The following USB1 variants were observed in gnomAD, a reference collection of about 807,000 sequenced individuals.
USB1 encodes the protein U6 snRNA phosphodiesterase 1.
In USB1, 21 loss-of-function variants were observed where a neutral mutation model predicts 29.9. That is an observed-to-expected ratio of 0.70 (90% CI 0.50 to 1.01). The LOEUF is 1.01. Ranked by LOEUF, USB1 falls within the 50% of genes least tolerant of loss-of-function variation. The pLI, the probability that USB1 is intolerant of heterozygous loss-of-function variation, is 0.00. For missense variants in USB1, 330 were observed against 347.1 expected (o/e 0.95, Z 0.39); for synonymous variants, 143 against 134.9 (o/e 1.06, Z -0.42).
Position 58,010,027 on chromosome 16 carries a change from A to G in USB1, c.364A>G (p.Ser122Gly). The change falls in exon 3 of 7, where the codon AGC becomes GGC. Residue 122 changes from serine (S) to glycine (G), a missense_variant. Ser to Gly is a moderately conservative substitution (Grantham distance 56). Coordinates refer to ENST00000219281, the MANE Select transcript of USB1 (RefSeq NM_024598.4). Reference sequence around the variant, plus strand: ...GGTAAGGATGAAGGTGTTCCACCTCAGCCTGTCCCAGAGTGTGGTTCTGCG... The same window carrying G: ...GGTAAGGATGAAGGTGTTCCACCTCGGCCTGTCCCAGAGTGTGGTTCTGCG... The part of the protein sequence containing the change: ...RLVRMKVFHL[S>G]LSQSVVLRHH... 1 of 1,614,096 alleles carries G rather than the reference A, an allele frequency of 6.2e-7. No individual in the cohort carries two copies. The highest frequency in any genetic ancestry group is 8.5e-7 in the Non-Finnish European group (1 of 1,180,028).
intron 1 of USB1, among the ~76,000 whole-genome samples, chr16:58,002,246 A>C (rs1963234108): frequency 6.6e-6 from 1 of 152,152 alleles, no homozygotes; most frequent in South Asian, 2.1e-4. Flanking sequence ...CCCCTGAACC[A>C]CATTGTTGCA....
intron 2 of USB1, among the ~76,000 whole-genome samples, chr16:58,005,753 CACTT>C (rs746607226): frequency 6.6e-6 from 1 of 152,178 alleles, no homozygotes; most frequent in African/African-American, 2.4e-5. Flanking sequence ...AACATCTCTC[CACTT>C]ACTTAGTTCT....
intron 2 of USB1, among the ~76,000 whole-genome samples, chr16:58,004,266 G>C (rs548201858): frequency 6.6e-6 from 1 of 152,134 alleles, no homozygotes; most frequent in East Asian, 1.9e-4. Flanking sequence ...GTATTGATGT[G>C]GGTCTATTTC....
chr16:58,011,961 T>C, intron 3 of USB1: 2 of 1,068,758 alleles, frequency 1.9e-6, no homozygotes, highest in South Asian at 8.0e-5. Flanking sequence ...ACCCGGCTGA[T>C]GGTTTTCTGA....
chr16:58,006,352 CAAAAAAAAAA>C (rs35405403), intron 2 of USB1, among the ~76,000 whole-genome samples: 1 of 94,930 alleles, frequency 1.1e-5, no homozygotes, highest in African/African-American at 4.2e-5. Flanking sequence ...AACCTCGTTT[CAAAAAAAAAA>C]AAAAACAAAA....
chr16:58,011,423 A>C, intron 3 of USB1: 1 of 1,111,124 alleles, frequency 9.0e-7, no homozygotes, highest in Non-Finnish European at 1.1e-6. Flanking sequence ...AGATTATTTC[A>C]TAACTCTTTT....
chr16:58,003,782 G>A (rs971277485), intron 2 of USB1, among the ~76,000 whole-genome samples: 1 of 152,058 alleles, frequency 6.6e-6, no homozygotes, highest in African/African-American at 2.4e-5. Flanking sequence ...ATATTATGAT[G>A]TGGGTCTAAT....
Position 58,001,455 on chromosome 16 carries a change from C to G in USB1, c.-29C>G, listed in dbSNP as rs747515828. The G allele has an allele frequency of 1.9e-6, 3 of 1,578,128 alleles. No homozygotes were observed. ...GGTGCCGGTTGAGGTTGCTGGTGGA[C>G]CTGCTCTGGTGGTCTTGGATGAGGC... On this transcript the variant is annotated 5_prime_UTR_variant, in exon 1 of 7. Coordinates refer to ENST00000219281, the MANE Select transcript of USB1 (RefSeq NM_024598.4).
In USB1 at chr16:58,001,554, C is replaced by T. The variant is rs1597040873; in HGVS notation, c.71C>T (p.Thr24Ile). 1.9e-6 allele frequency: 3 copies of T among 1,609,340 alleles called. No homozygotes were observed. Among genetic ancestry groups the T allele is most frequent in the Non-Finnish European group, 2.5e-6 (3 of 1,178,370 alleles). The change falls in exon 1 of 7, where the codon ACC (threonine) becomes ATC (isoleucine). Residue 24 changes from threonine (T) to isoleucine (I), a missense_variant. Physicochemically the swap from Thr to Ile is moderately conservative, Grantham distance 89. Coordinates refer to ENST00000219281, the MANE Select transcript of USB1 (RefSeq NM_024598.4). ...GATGAGTCCGAGGACGGGATGCGGACCAGGCCGGGGGATGGGAGCCACCGT... is the reference window on the plus strand; with the variant it reads ...GATGAGTCCGAGGACGGGATGCGGATCAGGCCGGGGGATGGGAGCCACCGT... ...SEDESEDGMR[T>I]RPGDGSHRRG...
chr16:58,012,331 C>A, intron 3 of USB1: 1 of 1,534,988 alleles, frequency 6.5e-7, no homozygotes, highest in Non-Finnish European at 8.7e-7. Context: ...GTGCCAGAAG[C>A]CCATGCCAGA....
In USB1 at chr16:58,010,110, C is replaced by T. The variant is rs776322680; in HGVS notation, c.447C>T (p.His149=). 1.2e-6 allele frequency: 2 copies of T among 1,613,926 alleles called. No individual in the cohort carries two copies. The highest frequency in any genetic ancestry group is 1.7e-6 in the Non-Finnish European group (2 of 1,179,966). The change falls in exon 3 of 7, where the codon CAC becomes CAT. Residue 149 remains histidine, a splice_region_variant and synonymous_variant. Coordinates refer to ENST00000219281, the MANE Select transcript of USB1 (RefSeq NM_024598.4). Reference sequence around the variant, plus strand: ...TGAAAGCCCGTATGACCTCCTTCCACAGGTGAGTGCTTCTTCCCTCTGCCT... The same window carrying T: ...TGAAAGCCCGTATGACCTCCTTCCATAGGTGAGTGCTTCTTCCCTCTGCCT... ...QALKARMTSF[H]RFFFTANQVK...
At chr16:58,004,454 G>GT (rs924896072) in intron 2 of USB1, among the ~76,000 whole-genome samples, 2 of 151,624 alleles carry the variant, frequency 1.3e-5, no homozygotes, top group African/African-American at 2.4e-5. Flanking sequence ...GCTTTTTTTG[G>GT]TTTTTTTTAG....
chr16:58,002,212 A>AAAT (rs1963231976), intron 1 of USB1, among the ~76,000 whole-genome samples: 1 of 152,222 alleles, frequency 6.6e-6, no homozygotes, highest in African/African-American at 2.4e-5. Flanking sequence ...CTCCAGCTGC[A>AAAT]GCCTGTCCAG....
intron 2 of USB1, among the ~76,000 whole-genome samples, chr16:58,005,637 A>G (rs528279067): frequency 6.6e-6 from 1 of 152,314 alleles, no homozygotes; most frequent in African/African-American, 2.4e-5. Flanking sequence ...AATCATGTCT[A>G]TGATCTAGAT....
intron 2 of USB1, 121 bp downstream of exon 2, chr16:58,002,766 A>G: frequency 1.4e-6 from 2 of 1,382,790 alleles, no homozygotes; most frequent in Non-Finnish European, 2.0e-6. Flanking sequence ...GGTGGTGGGA[A>G]AGTCATTGAC....
In USB1 at chr16:58,013,686, C is replaced by T. The variant is rs1309859869; in HGVS notation, c.450-587C>T. ...AAAGCGTCATAGGTGACAACAAGGACTCTGGAAACAGGCAGACTGACTGTT... is the reference window on the plus strand; with the variant it reads ...AAAGCGTCATAGGTGACAACAAGGATTCTGGAAACAGGCAGACTGACTGTT... On this transcript the variant is annotated intron_variant, in intron 3 of 6. Transcript: ENST00000219281. This position sits in a 1 kb window ranked among gnomAD's most constrained non-coding sequence, Gnocchi z 4.3. 1 of 939,600 alleles carries T rather than the reference C, an allele frequency of 1.1e-6. No individual in the cohort carries two copies. The highest frequency in any genetic ancestry group is 1.8e-5 in the African/African-American group (1 of 56,090). 58.2% of individuals were successfully genotyped at this position (939,600 alleles called of 1,614,324 possible).
chr16:58,010,672 A>G, intron 3 of USB1: 1 of 280,172 alleles, frequency 3.6e-6, no homozygotes, highest in South Asian at 5.0e-5. Flanking sequence ...ATTCAGGCAA[A>G]CAGTCCACTT....
chr16:58,019,118 G>C, intron 6 of USB1, 63 bp downstream of exon 6: 1 of 1,556,900 alleles, frequency 6.4e-7, no homozygotes, highest in Non-Finnish European at 8.8e-7. Flanking sequence ...ACAGATGCTG[G>C]AGAGGGGGAG....
Position 58,001,633 on chromosome 16 carries a change from A to C in USB1, c.98+52A>C, listed in dbSNP as rs756585839. The C allele has an allele frequency of 7.7e-6, 12 of 1,553,252 alleles. No individual in the cohort carries two copies. The Admixed American group carries it at 1.5e-4, about 20-fold the overall frequency. On this transcript the variant is annotated intron_variant, in intron 1 of 6. Transcript: ENST00000219281. The stretch of plus-strand genomic sequence containing the variant: ...GGGCGCGCGCATTCACCCTAGAGCC[A>C]GACGGGACCCGAATGTCTGGGGGTG...
Sources: gnomAD v4.1 joint callset for allele counts (sites outside exome capture counted in the v4.1 genomes callset) on GRCh38, gnomAD v4.1.1 for gene constraint, Gnocchi (gnomAD v3.1) non-coding constraint, MANE v1.5 for transcripts, NCBI Gene and HGNC (gene_info 2026-07-23, HGNC 2026-07-21) for gene names.